HPD: variants seen among roughly 807,000 people sequenced by gnomAD.
HPD encodes 4-hydroxyphenylpyruvate dioxygenase, also known as 4-hydroxyphenylpyruvic acid oxidase.
Under a neutral mutation model 56.9 loss-of-function variants are expected in HPD, and 35 were observed. That is an observed-to-expected ratio of 0.62 (90% CI 0.47 to 0.82). The LOEUF (loss-of-function observed/expected upper bound fraction) is 0.82. Ranked by LOEUF, HPD falls within the 40% of genes least tolerant of loss-of-function variation. The pLI is 0.00. For synonymous variants in HPD, 186 were observed against 200.2 expected (o/e 0.93, Z 0.60); for missense variants, 442 against 506.8 (o/e 0.87, Z 1.23).
Position 121,839,614 on chromosome 12 carries a change from G to T in HPD, c.*114C>A. On this transcript the variant is annotated 3_prime_UTR_variant, in exon 14 of 14. Transcript: ENST00000289004. Reference sequence around the variant, plus strand: ...GGTCAGTGTGGGCGGAGCCTTGGGGGCCGAGTCCGCTGGTGGGCGGGACCC... The same window carrying T: ...GGTCAGTGTGGGCGGAGCCTTGGGGTCCGAGTCCGCTGGTGGGCGGGACCC... The T allele has an allele frequency of 1.3e-6, 1 of 790,824 alleles. No individual in the cohort carries two copies. 49.0% of individuals were successfully genotyped at this position (790,824 alleles called of 1,614,324 possible).
In HPD at chr12:121,839,837, C is replaced by A; in HGVS notation, c.1073G>T (p.Gly358Val). 1 of 1,614,094 alleles carries A rather than the reference C, an allele frequency of 6.2e-7. No individual in the cohort carries two copies. The stretch of plus-strand genomic sequence containing the variant: ...TGAGTTGAAGTTGCCGGCTCCAAAA[C>A]CCTGTGGCGGGAAAGAGAGGAGATG... The part of the protein sequence containing the change: ...LEVIQRHNHQ[G>V]FGAGNFNSLF... Residue 358 changes from glycine (G) to valine (V), a missense_variant and splice_region_variant, in exon 14 of 14, where the codon GGT becomes GTT. By Grantham distance (109) the Gly-to-Val change is moderately radical. Transcript: ENST00000289004.
the HPD span, among the ~76,000 whole-genome samples, chr12:121,874,830 C>T: frequency 6.6e-6 from 1 of 151,250 alleles, no homozygotes; most frequent in African/African-American, 2.4e-5. Context: ...GGCACGATCT[C>T]TGCCCACCGC....
At position 121,846,960 on chromosome 12, in the gene HPD, T is replaced by C. The variant is rs771196632; in HGVS notation, c.760-27A>G. 3.7e-6 allele frequency: 6 copies of C among 1,613,422 alleles called. No homozygotes were observed. The African/African-American group carries it at 8.0e-5, about 22-fold the overall frequency. Reference sequence around the variant, plus strand: ...TGGGGGAGGGAAACAAGGAGACCACTGTCATTTGCCCCATCACCCACATCC... The same window carrying C: ...TGGGGGAGGGAAACAAGGAGACCACCGTCATTTGCCCCATCACCCACATCC... On this transcript the variant is annotated intron_variant, in intron 10 of 13. Transcript: ENST00000289004.
intron 2 of HPD, 72 bp from the exon 3 acceptor site, chr12:121,857,891 C>G: frequency 1.8e-6 from 2 of 1,090,482 alleles, no homozygotes; most frequent in Non-Finnish European, 2.8e-6. Flanking sequence ...GGAGTGATGT[C>G]CCCTAGCCAC....
At chr12:121,876,345 C>G in the HPD span, among the ~76,000 whole-genome samples, 1 of 152,094 alleles carries the variant, frequency 6.6e-6, no homozygotes, top group Admixed American at 6.6e-5. Flanking sequence ...CACAAACTTC[C>G]TGGAGAATTG....
chr12:121,857,714 G>A (rs753969717), intron 3 of HPD, 43 bp downstream of exon 3: 9 of 1,552,528 alleles, frequency 5.8e-6, no homozygotes, highest in African/African-American at 1.4e-5. Flanking sequence ...GCAGCCCTCT[G>A]CCCTGCCGTC....
chr12:121,854,556 G>T, intron 7 of HPD, 147 bp downstream of exon 7: 1 of 739,318 alleles, frequency 1.4e-6, no homozygotes, highest in Non-Finnish European at 2.5e-6. Context: ...CCGTACACTG[G>T]CCAGGCAATA....
chr12:121,877,861 G>A, the HPD span, among the ~76,000 whole-genome samples: 3 of 152,326 alleles, frequency 2.0e-5, no homozygotes, highest in East Asian at 5.8e-4. Flanking sequence ...CATGGGCCTG[G>A]TGTGGCCGGA....
At chr12:121,859,826 G>T (rs756861956), upstream of HPD, among the ~76,000 whole-genome samples, 3 of 152,228 alleles carry the variant, frequency 2.0e-5, no homozygotes, top group Non-Finnish European at 4.4e-5. Context: ...GGCCTGCCCA[G>T]TGTGCTCCCA....
At chr12:121,840,143 T>C in intron 12 of HPD, 95 bp from the exon 13 acceptor site, 1 of 840,944 alleles carries the variant, frequency 1.2e-6, no homozygotes, top group African/African-American at 1.7e-5. Context: ...AGTCTGGAAA[T>C]GACCTCTTTT....
chr12:121,840,390 T>C (rs1877367987), intron 12 of HPD, among the ~76,000 whole-genome samples: 1 of 152,130 alleles, frequency 6.6e-6, no homozygotes, highest in African/African-American at 2.4e-5. Flanking sequence ...AACCTCCGCC[T>C]TCCGGGTTCA....
At chr12:121,854,833 G>T in intron 6 of HPD, 41 bp from the exon 7 acceptor site, 1 of 1,499,522 alleles carries the variant, frequency 6.7e-7, no homozygotes, top group Non-Finnish European at 9.3e-7. Context: ...GAGGGCTGGA[G>T]CCTTCCAGAA....
intron 9 of HPD, among the ~76,000 whole-genome samples, chr12:121,847,576 C>T (rs1449826934): frequency 2.0e-5 from 3 of 151,684 alleles, no homozygotes; most frequent in Admixed American, 6.6e-5. Flanking sequence ...TCGCTCTTTT[C>T]GCCCAGGCTG....
intron 9 of HPD, 98 bp downstream of exon 9, chr12:121,848,901 C>G (rs927046972): frequency 2.1e-6 from 2 of 930,544 alleles, no homozygotes; most frequent in Non-Finnish European, 1.8e-6. Context: ...CCACTGCACC[C>G]AGTCGTATTT....
At chr12:121,866,631 T>C (rs1878336290), upstream of HPD, among the ~76,000 whole-genome samples, 1 of 152,006 alleles carries the variant, frequency 6.6e-6, no homozygotes, top group African/African-American at 2.4e-5. Context: ...TTCATACTTC[T>C]CTGCACATCT....
chr12:121,849,882 C>A, intron 7 of HPD, 92 bp from the exon 8 acceptor site: 1 of 800,642 alleles, frequency 1.2e-6, no homozygotes, highest in South Asian at 1.4e-5. Flanking sequence ...GCCCCGGGTT[C>A]CAACCTGCAT....
At position 121,839,537 on chromosome 12, in the gene HPD, G is replaced by A. The variant is rs886049036; in HGVS notation, c.*191C>T. The A allele has an allele frequency of 5.7e-4, 355 of 625,190 alleles. 5 individuals carry two copies. The highest frequency in any genetic ancestry group is 1.9e-4 in the Admixed American group (7 of 37,834). The allele number at this position is 625,190 out of a possible 1,614,324, so 38.7% of individuals were successfully genotyped here. ...AACACAGACACAGTATTGGACCGGG[G>A]CACGCTTTAATCGGGAGGGCTGGAG... is the stretch of plus-strand genomic sequence containing the variant. On this transcript the variant is annotated 3_prime_UTR_variant, in exon 14 of 14. Coordinates refer to ENST00000289004, the MANE Select transcript of HPD (RefSeq NM_002150.3).
At chr12:121,866,527 T>A (rs1878334076), upstream of HPD, among the ~76,000 whole-genome samples, 1 of 152,096 alleles carries the variant, frequency 6.6e-6, no homozygotes, top group Non-Finnish European at 1.5e-5. Context: ...CTCAGCCATT[T>A]GACGGAGTTT....
chr12:121,880,360 T>C, the HPD span, among the ~76,000 whole-genome samples: 10 of 152,110 alleles, frequency 6.6e-5, no homozygotes, highest in African/African-American at 2.4e-4. Flanking sequence ...CACACCCAGA[T>C]AATTTTTGAA....
Sources: allele counts gnomAD v4.1 joint callset (sites outside exome capture counted in the v4.1 genomes callset), GRCh38; gene constraint gnomAD v4.1.1; transcripts MANE v1.5; gene names NCBI Gene and HGNC (gene_info 2026-07-23, HGNC 2026-07-21).